Variants in MAP3K10 observed in about 807,000 individuals in gnomAD.
The protein encoded by MAP3K10 is MKN28 derived nonreceptor_type serine/threonine kinase.
In MAP3K10, 22 loss-of-function variants were observed where a neutral mutation model predicts 75.0. The observed-to-expected ratio is 0.29, with a 90% confidence interval of 0.21 to 0.42. The LOEUF (loss-of-function observed/expected upper bound fraction) is 0.42. MAP3K10 is among the 10% of genes least tolerant of loss of function. The pLI is 1.00. For missense variants in MAP3K10, 1,165 were observed against 1,379.8 expected, an observed-to-expected ratio of 0.84 and a Z score of 2.47; for synonymous variants, 599 against 612.9, an observed-to-expected ratio of 0.98 and a Z score of 0.34.
Position 40,209,097 on chromosome 19 carries a change from C to G in MAP3K10, c.1436-6C>G. On this transcript the variant is annotated splice_region_variant and splice_polypyrimidine_tract_variant and intron_variant, in intron 5 of 9. Transcript: ENST00000253055. Reference sequence around the variant, plus strand: ...TGCTTAGGAAAGCTTCTCTTTCTTTCTGCAGGCTTTGAGCATAAGATCACA... The same window carrying G: ...TGCTTAGGAAAGCTTCTCTTTCTTTGTGCAGGCTTTGAGCATAAGATCACA... The G allele has an allele frequency of 6.2e-7, 1 of 1,605,412 alleles. No homozygotes were observed. Among genetic ancestry groups the G allele is most frequent in the Non-Finnish European group, 8.5e-7 (1 of 1,172,234 alleles).
At position 40,192,719 on chromosome 19, in the gene MAP3K10, TG is replaced by T; in HGVS notation, c.682+8del. The T allele has an allele frequency of 6.5e-7, 1 of 1,526,854 alleles. No homozygotes were observed. 94.6% of individuals were successfully genotyped at this position (1,526,854 alleles called of 1,614,324 possible). On this transcript the variant is annotated splice_region_variant and intron_variant, in intron 1 of 9. Transcript: ENST00000253055. The surrounding 1 kb of genome is among the most constrained non-coding windows in gnomAD (Gnocchi z 7.1). ...GGACCTCAAGTCCATCAACAGTAAG[TG>T]GTGTCCTCTCCCCAAAATTCCTTCC...
At chr19:40,200,027 G>T (rs988622326) in intron 2 of MAP3K10, among the ~76,000 whole-genome samples, 25 of 152,046 alleles carry the variant, frequency 1.6e-4, no homozygotes, top group Admixed American at 1.3e-4. Context: ...AGGCGCGGTG[G>T]CTCACGCCTG....
Position 40,192,268 on chromosome 19 carries a change from C to G in MAP3K10, c.237C>G (p.Gly79=). ...GVFPSNYVAP[G]APAAPAGLQL... is the part of the protein sequence containing the mutation. ...TCCCCAGCAACTACGTGGCCCCCGG[C>G]GCCCCCGCTGCACCCGCGGGCCTCC... is the stretch of plus-strand genomic sequence containing the variant. The change falls in exon 1 of 10, where the codon GGC becomes GGG. Residue 79 remains glycine, a synonymous_variant. Coordinates refer to ENST00000253055, the MANE Select transcript of MAP3K10 (RefSeq NM_002446.4). The surrounding 1 kb of genome is among the most constrained non-coding windows in gnomAD (Gnocchi z 7.1). 6 of 1,601,680 alleles carry G rather than the reference C, an allele frequency of 3.7e-6. No individual in the cohort carries two copies. Among genetic ancestry groups the G allele is most frequent in the Non-Finnish European group, 5.1e-6 (6 of 1,175,706 alleles).
Position 40,191,639 on chromosome 19 carries a change from G to C in MAP3K10, c.-393G>C, listed in dbSNP as rs1972813105. The C allele has an allele frequency of 6.6e-6, 1 of 151,728 alleles. No homozygotes were observed. The highest frequency in any genetic ancestry group is 6.6e-5 in the Admixed American group (1 of 15,072). The allele number at this position is 151,728 out of a possible 1,614,324, so 9.4% of individuals were successfully genotyped here. A position where few individuals can be genotyped will look rare whatever the true frequency, so the allele number is the denominator to read the frequency against. Reference sequence around the variant, plus strand: ...GTCGTGGCCCGGGATGCGGAGCCGGGGGCCGCCGGTGGAGCTGCGCGGGGT... The same window carrying C: ...GTCGTGGCCCGGGATGCGGAGCCGGCGGCCGCCGGTGGAGCTGCGCGGGGT... On this transcript the variant is annotated 5_prime_UTR_variant, in exon 1 of 10. Transcript: ENST00000253055.
chr19:40,192,677 G>C lies in MAP3K10; in HGVS notation c.646G>C (p.Val216Leu). 1 of 1,558,690 alleles carries C rather than the reference G, an allele frequency of 6.4e-7. No homozygotes were observed. The highest frequency in any genetic ancestry group is 8.7e-7 in the Non-Finnish European group (1 of 1,151,236). The change falls in exon 1 of 10, where the codon GTG becomes CTG. Residue 216 changes from valine to leucine, a missense_variant. By Grantham distance (32) the Val-to-Leu change is conservative. This residue lies in a region of MAP3K10 where 575 missense variants were observed against 793.2 expected (regional missense o/e 0.72). Coordinates refer to ENST00000253055, the MANE Select transcript of MAP3K10 (RefSeq NM_002446.4). This position sits in a 1 kb window ranked among gnomAD's most constrained non-coding sequence, Gnocchi z 7.1. ...GMNYLHNDAP[V>L]PIIHRDLKSI... The stretch of plus-strand genomic sequence containing the variant: ...GAACTACCTACACAATGATGCCCCT[G>C]TGCCCATCATCCACCGGGACCTCAA...
rs1221522549 is a variant in MAP3K10 at position 40,205,990 on chromosome 19, A to G, written c.1268A>G (p.Glu423Gly). Residue 423 changes from glutamate (E) to glycine (G), a missense_variant, in exon 5 of 10, where the codon GAG (glutamate) becomes GGG (glycine). Coordinates refer to ENST00000253055, the MANE Select transcript of MAP3K10 (RefSeq NM_002446.4). The surrounding 1 kb of genome is among the most constrained non-coding windows in gnomAD (Gnocchi z 4.3). ...RFQEEQLRRR[E>G]QELAEREMDI... ...CAGGAGGAGCAGCTGCGGCGGCGGG[A>G]GCAGGAGCTGGCAGAACGTGAGATG... 2 of 1,611,312 alleles carry G rather than the reference A, an allele frequency of 1.2e-6. No individual in the cohort carries two copies. Among genetic ancestry groups the G allele is most frequent in the Admixed American group, 1.7e-5 (1 of 59,768 alleles).
chr19:40,214,333 G>A, intron 9 of MAP3K10, 112 bp downstream of exon 9: 2 of 1,212,770 alleles, frequency 1.6e-6, no homozygotes, highest in African/African-American at 1.6e-5. Context: ...CCTGCTTCTT[G>A]TGGAGGAGGG....
chr19:40,213,629 G>A lies in MAP3K10; in HGVS notation c.1950G>A (p.Ala650=), dbSNP rs972645456. 2.1e-5 allele frequency: 31 copies of A among 1,501,892 alleles called. 1 individual carries two copies. The African/African-American group carries it at 3.2e-4, about 16-fold the overall frequency. The allele number at this position is 1,501,892 out of a possible 1,614,324, so 93.0% of individuals were successfully genotyped here. Residue 650 remains alanine, a synonymous_variant, in exon 9 of 10, where the codon GCG becomes GCA. Transcript: ENST00000253055. The surrounding 1 kb of genome is among the most constrained non-coding windows in gnomAD (Gnocchi z 5.7). The part of the protein sequence containing the change: ...LPAEPSPGAR[A]PWEPTPSAPP... ...CCGAGCCCTCCCCGGGGGCGCGGGCGCCGTGGGAGCCGACGCCGTCCGCGC... is the reference window on the plus strand; with the variant it reads ...CCGAGCCCTCCCCGGGGGCGCGGGCACCGTGGGAGCCGACGCCGTCCGCGC...
rs200769588 is a variant in MAP3K10, at chr19:40,213,062, C to A, written c.1725-14C>A. The stretch of plus-strand genomic sequence containing the variant: ...CACAGGACTGAGGTCTCCATCTCTC[C>A]CTGGACCCCGCAGGCTGAAGGGGCT... On this transcript the variant is annotated splice_polypyrimidine_tract_variant and intron_variant, in intron 7 of 9. Coordinates refer to ENST00000253055, the MANE Select transcript of MAP3K10 (RefSeq NM_002446.4). The surrounding 1 kb of genome is among the most constrained non-coding windows in gnomAD (Gnocchi z 5.7). 1.2e-6 allele frequency: 2 copies of A among 1,604,326 alleles called. No individual in the cohort carries two copies. Among genetic ancestry groups the A allele is most frequent in the East Asian group, 2.2e-5 (1 of 44,740 alleles).
Position 40,192,495 on chromosome 19 carries a change from C to T in MAP3K10, c.464C>T (p.Pro155Leu), listed in dbSNP as rs1374579230. 6.2e-7 allele frequency: 1 copy of T among 1,613,690 alleles called. No homozygotes were observed. Among genetic ancestry groups the T allele is most frequent in the African/African-American group, 1.3e-5 (1 of 74,934 alleles). ...CGGCTCTTTGGAGCCCTGCAGCACCCCAACATAATTGCCCTTAGGGGCGCC... is the reference window on the plus strand; with the variant it reads ...CGGCTCTTTGGAGCCCTGCAGCACCTCAACATAATTGCCCTTAGGGGCGCC... Reference protein sequence around the residue: ...EARLFGALQHPNIIALRGACL... With the variant: ...EARLFGALQHLNIIALRGACL... The change falls in exon 1 of 10, where the codon CCC becomes CTC. Residue 155 changes from proline to leucine, a missense_variant. Pro to Leu is a moderately conservative substitution (Grantham distance 98). Coordinates refer to ENST00000253055, the MANE Select transcript of MAP3K10 (RefSeq NM_002446.4). This position sits in a 1 kb window ranked among gnomAD's most constrained non-coding sequence, Gnocchi z 7.1.
chr19:40,196,761 C>T (rs1454416925), intron 1 of MAP3K10, among the ~76,000 whole-genome samples: 1 of 152,150 alleles, frequency 6.6e-6, no homozygotes, highest in Admixed American at 6.5e-5. Context: ...TCAAGTGATC[C>T]ACCTACCTTG....
chr19:40,202,575 G>A (rs1973046647), intron 2 of MAP3K10, among the ~76,000 whole-genome samples: 1 of 151,982 alleles, frequency 6.6e-6, no homozygotes, highest in Non-Finnish European at 1.5e-5. Flanking sequence ...AGGATAGGGT[G>A]TTTGGGGACA....
Position 40,205,966 on chromosome 19 carries a change from A to T in MAP3K10, c.1244A>T (p.Gln415Leu). Reference sequence around the variant, plus strand: ...CGGGCGGCACAGGAGCAGCGCTTCCAGGAGGAGCAGCTGCGGCGGCGGGAG... The same window carrying T: ...CGGGCGGCACAGGAGCAGCGCTTCCTGGAGGAGCAGCTGCGGCGGCGGGAG... ...LLRAAQEQRF[Q>L]EEQLRRREQE... is the part of the protein sequence containing the mutation. The change falls in exon 5 of 10, where the codon CAG becomes CTG. Residue 415 changes from glutamine to leucine, a missense_variant. This residue lies in a region of MAP3K10 where 575 missense variants were observed against 793.2 expected (regional missense o/e 0.72). Coordinates refer to ENST00000253055, the MANE Select transcript of MAP3K10 (RefSeq NM_002446.4). The surrounding 1 kb of genome is among the most constrained non-coding windows in gnomAD (Gnocchi z 4.3). 1 of 1,608,570 alleles carries T rather than the reference A, an allele frequency of 6.2e-7. No individual in the cohort carries two copies. Among genetic ancestry groups the T allele is most frequent in the Non-Finnish European group, 8.5e-7 (1 of 1,177,336 alleles).
chr19:40,200,612 CTTTTTTTTTTTT>C (rs71171548), intron 2 of MAP3K10, among the ~76,000 whole-genome samples: 2 of 79,974 alleles, frequency 2.5e-5, no homozygotes, highest in African/African-American at 9.1e-5. Flanking sequence ...TTTGTGCTAC[CTTTTTTTTTTTT>C]TTTTTTTTTT....
rs181676781 is a variant in MAP3K10 at position 40,198,895 on chromosome 19, C to G, written c.863+340C>G. Among the ~76,000 whole-genome samples, 1 of 152,260 alleles carries G rather than the reference C, an allele frequency of 6.6e-6. No individual in the cohort carries two copies. The highest frequency in any genetic ancestry group is 1.5e-5 in the Non-Finnish European group (1 of 68,014). On this transcript the variant is annotated intron_variant, in intron 2 of 9. Transcript: ENST00000253055. This position sits in a 1 kb window ranked among gnomAD's most constrained non-coding sequence, Gnocchi z 4.3. ...CCAGCCTGACCAACATGGTGAAACC[C>G]CATCTCTACTAAAAATACTAAAATT... is the stretch of plus-strand genomic sequence containing the variant.
Position 40,215,570 on chromosome 19 carries a change from C to A in MAP3K10, c.*278C>A, listed in dbSNP as rs1973339924. 1 of 468,952 alleles carries A rather than the reference C, an allele frequency of 2.1e-6. No homozygotes were observed. Among genetic ancestry groups the A allele is most frequent in the East Asian group, 3.4e-5 (1 of 29,710 alleles). The allele number at this position is 468,952 out of a possible 1,614,324, so 29.0% of individuals were successfully genotyped here. The stretch of plus-strand genomic sequence containing the variant: ...ATGGAGCATTAAAGGTAACCCCTGC[C>A]CCCTACCGCACTTGATTGTGTTCCT... On this transcript the variant is annotated 3_prime_UTR_variant, in exon 10 of 10. Transcript: ENST00000253055.
In MAP3K10 at chr19:40,204,406, T is replaced by A; in HGVS notation, c.864-79T>A. 6.6e-7 allele frequency: 1 copy of A among 1,515,210 alleles called. No individual in the cohort carries two copies. The highest frequency in any genetic ancestry group is 8.9e-7 in the Non-Finnish European group (1 of 1,124,046). 93.9% of individuals were successfully genotyped at this position (1,515,210 alleles called of 1,614,324 possible). On this transcript the variant is annotated intron_variant, in intron 2 of 9. Transcript: ENST00000253055. This position sits in a 1 kb window ranked among gnomAD's most constrained non-coding sequence, Gnocchi z 4.3. Reference sequence around the variant, plus strand: ...CTGTTGGGGTGAGGGCAGCCCTGCATGGGACCAAGGGCAGGGCTGGGTATA... The same window carrying A: ...CTGTTGGGGTGAGGGCAGCCCTGCAAGGGACCAAGGGCAGGGCTGGGTATA...
intron 2 of MAP3K10, among the ~76,000 whole-genome samples, chr19:40,202,447 A>G (rs545384415): frequency 1.0e-3 from 152 of 152,290 alleles, no homozygotes; most frequent in Non-Finnish European, 1.8e-3. Flanking sequence ...ATAAGTTGAG[A>G]CAGGAAGCAA....
chr19:40,206,315 C>G, intron 5 of MAP3K10, 158 bp downstream of exon 5: 2 of 848,670 alleles, frequency 2.4e-6, no homozygotes, highest in Non-Finnish European at 3.3e-6. Context: ...CACTTGTAGT[C>G]CCAGCCTACT....
Sources: gnomAD v4.1 joint callset for allele counts (sites outside exome capture counted in the v4.1 genomes callset) on GRCh38, gnomAD v4.1.1 for gene constraint, gnomAD v4.1.1 regional missense constraint, Gnocchi (gnomAD v3.1) non-coding constraint, MANE v1.5 for transcripts, NCBI Gene and HGNC (gene_info 2026-07-23, HGNC 2026-07-21) for gene names.